The following EYA3 variants were observed in gnomAD, a reference collection of about 807,000 sequenced individuals.
The protein encoded by EYA3 is EYA transcriptional coactivator and phosphatase 3, also known as protein phosphatase EYA3.
EYA3 carries 39 observed loss-of-function variants against 80.0 expected under a neutral mutation model. That is an observed-to-expected ratio of 0.49 (90% CI 0.38 to 0.64). EYA3 has a LOEUF of 0.64. Among genes scored for constraint, EYA3 ranks in the 30% least tolerant of loss-of-function variants. EYA3 has a pLI of 0.00. For synonymous variants in EYA3, 206 were observed against 232.8 expected, an observed-to-expected ratio of 0.88 and a Z score of 1.05; for missense variants, 523 against 676.1, an observed-to-expected ratio of 0.77 and a Z score of 2.51.
intron 2 of EYA3, among the ~76,000 whole-genome samples, chr1:28,049,262 G>C (rs1644150664): frequency 6.6e-6 from 1 of 152,098 alleles, no homozygotes; most frequent in African/African-American, 2.4e-5. Context: ...CATAAAATTT[G>C]TCGTGGCCAT....
In EYA3 at chr1:27,999,016, G is replaced by A. The variant is rs138965447; in HGVS notation, c.1083+944C>T. Among the ~76,000 whole-genome samples the A allele has an allele frequency of 9.0e-4, 137 of 152,214 alleles. 1 individual carries two copies. The East Asian group carries it at 0.021, about 24-fold the overall frequency. ...ACTCCTGACCTCAAGTGATCTGCCC[G>A]CCTCGGCCTCCCAAAGTTTTGGGAT... is the stretch of plus-strand genomic sequence containing the variant. On this transcript the variant is annotated intron_variant, in intron 12 of 17. Transcript: ENST00000373871.
intron 4 of EYA3, 40 bp from the exon 5 acceptor site, chr1:28,038,945 C>T (rs1349496183): frequency 7.8e-6 from 11 of 1,416,258 alleles, no homozygotes; most frequent in Non-Finnish European, 1.1e-5. Context: ...AAAGTTAGAA[C>T]ATTTCGAAAA....
chr1:28,084,970 T>A (rs1299740563), intron 1 of EYA3, among the ~76,000 whole-genome samples: 1 of 152,120 alleles, frequency 6.6e-6, no homozygotes, highest in Non-Finnish European at 1.5e-5. Context: ...TGTTGTTACA[T>A]GCAGAACAGA....
intron 17 of EYA3, among the ~76,000 whole-genome samples, chr1:27,974,828 G>A (rs915599579): frequency 5.9e-5 from 9 of 152,176 alleles, no homozygotes; most frequent in Non-Finnish European, 1.3e-4. Flanking sequence ...GGGTCTTGCT[G>A]TGTCACCCAG....
At position 28,062,036 on chromosome 1, in the gene EYA3, G is replaced by A. The variant is rs531991878; in HGVS notation, c.-68-3942C>T. 4.9e-4 allele frequency among the ~76,000 whole-genome samples: 74 copies of A among 152,208 alleles called. 1 individual carries two copies. In the South Asian group the frequency reaches 0.014, roughly 29 times the overall value. On this transcript the variant is annotated intron_variant, in intron 1 of 17. Transcript: ENST00000373871. The stretch of plus-strand genomic sequence containing the variant: ...CAGAAGTGAAAAGTGGATTTTTAAT[G>A]TAATTAAAATAAATTAAAACTTAGT...
At chr1:28,047,966 TG>T (rs1451164185) in intron 3 of EYA3, among the ~76,000 whole-genome samples, 8 of 152,152 alleles carry the variant, frequency 5.3e-5, no homozygotes, top group Non-Finnish European at 8.8e-5. Flanking sequence ...ATAAGAGGAG[TG>T]GGGTTAATGA....
At chr1:28,075,771 T>C (rs1364037975) in intron 1 of EYA3, among the ~76,000 whole-genome samples, 1 of 152,230 alleles carries the variant, frequency 6.6e-6, no homozygotes, top group Non-Finnish European at 1.5e-5. Context: ...GCTACATTTC[T>C]GAAACTTCTA....
At chr1:28,020,940 C>T (rs978685931) in intron 7 of EYA3, among the ~76,000 whole-genome samples, 2 of 152,016 alleles carry the variant, frequency 1.3e-5, no homozygotes, top group African/African-American at 4.8e-5. Context: ...TGAAAGACAC[C>T]ACTTTTGAGA....
chr1:28,082,671 T>C (rs1251406717), intron 1 of EYA3, among the ~76,000 whole-genome samples: 3 of 152,204 alleles, frequency 2.0e-5, no homozygotes. Context: ...TTTAGTCTTC[T>C]GTTTTATATT....
At chr1:28,041,425 C>T (rs562627728) in intron 4 of EYA3, among the ~76,000 whole-genome samples, 4 of 151,144 alleles carry the variant, frequency 2.6e-5, no homozygotes, top group African/African-American at 7.3e-5. Context: ...TGGTGGCATG[C>T]GCCTGTAATC....
chr1:28,023,904 T>C (rs1333572956), intron 7 of EYA3, among the ~76,000 whole-genome samples: 1 of 152,174 alleles, frequency 6.6e-6, no homozygotes, highest in Admixed American at 6.5e-5. Context: ...CTCTCTGTAC[T>C]GTCTGCTCAA....
At chr1:28,068,287 G>A (rs557014013) in intron 1 of EYA3, among the ~76,000 whole-genome samples, 6 of 148,298 alleles carry the variant, frequency 4.0e-5, no homozygotes, top group Non-Finnish European at 8.9e-5. Flanking sequence ...AGCCAAGATC[G>A]CACCACCGCA....
At chr1:27,993,622 C>G in intron 13 of EYA3, 62 bp from the exon 14 acceptor site, 1 of 1,432,520 alleles carries the variant, frequency 7.0e-7, no homozygotes, top group Non-Finnish European at 9.2e-7. Flanking sequence ...TGTTTGAGTG[C>G]TATTTGGTTG....
At chr1:27,983,674 T>C (rs1481130368) in intron 16 of EYA3, among the ~76,000 whole-genome samples, 1 of 152,214 alleles carries the variant, frequency 6.6e-6, no homozygotes, top group Non-Finnish European at 1.5e-5. Context: ...CTTTTTCTTT[T>C]GAGATGGAGT....
chr1:28,007,337 C>CT (rs776771608), intron 10 of EYA3, among the ~76,000 whole-genome samples: 2,849 of 131,608 alleles, frequency 0.022, 52 homozygotes, highest in Middle Eastern at 0.068. Flanking sequence ...TTCTTTCTTT[C>CT]TTTTTTTTTT....
chr1:28,039,088 T>C (rs1643630707), intron 4 of EYA3, among the ~76,000 whole-genome samples, 183 bp from the exon 5 acceptor site: 1 of 152,166 alleles, frequency 6.6e-6, no homozygotes, highest in African/African-American at 2.4e-5. Context: ...GTTTATAGAC[T>C]TCCAGAGGCA....
At chr1:28,033,660 A>ATT (rs1183310383) in intron 6 of EYA3, among the ~76,000 whole-genome samples, 3 of 98,942 alleles carry the variant, frequency 3.0e-5, no homozygotes, top group Non-Finnish European at 2.4e-5. Context: ...TATTATTATT[A>ATT]TTATTATTAT....
intron 7 of EYA3, 40 bp from the exon 8 acceptor site, chr1:28,017,279 T>C (rs1228789774): frequency 6.8e-7 from 1 of 1,462,842 alleles, no homozygotes; most frequent in African/African-American, 1.4e-5. Context: ...AAAGATATTA[T>C]GTAAAAGGTT....
At chr1:28,083,337 T>C (rs1645497930) in intron 1 of EYA3, among the ~76,000 whole-genome samples, 1 of 152,072 alleles carries the variant, frequency 6.6e-6, no homozygotes, top group African/African-American at 2.4e-5. Flanking sequence ...CTGACCAACA[T>C]GGTGAAACCC....
Sources: gnomAD v4.1 joint callset for allele counts (sites outside exome capture counted in the v4.1 genomes callset) on GRCh38, gnomAD v4.1.1 for gene constraint, MANE v1.5 for transcripts, NCBI Gene and HGNC (gene_info 2026-07-23, HGNC 2026-07-21) for gene names.